The following EYA4 variants were observed in gnomAD, a reference collection of about 807,000 sequenced individuals.
EYA4 encodes the protein EYA transcriptional coactivator and phosphatase 4.
A neutral mutation model predicts 87.9 loss-of-function variants in EYA4; 31 were observed. The observed-to-expected ratio is 0.35, with a 90% CI of 0.27 to 0.48. The LOEUF (loss-of-function observed/expected upper bound fraction) is 0.48. Among genes scored for constraint, EYA4 ranks in the 20% least tolerant of loss-of-function variants. The pLI, the probability that EYA4 is intolerant of heterozygous loss-of-function variation, is 0.99. For missense variants in EYA4, 678 were observed against 761.4 expected (o/e 0.89, Z 1.29); for synonymous variants, 263 against 270.6 (o/e 0.97, Z 0.28).
chr6:133,483,698 GTTATTATTATTATTATTA>G (rs71545064), intron 13 of EYA4, among the ~76,000 whole-genome samples: 6,937 of 134,384 alleles, frequency 0.052, 530 homozygotes, highest in African/African-American at 0.16. Flanking sequence ...TTATTTCATT[GTTATTATTATTATTATTA>G]TTATTATTAT....
chr6:133,521,272 AAAAC>A (rs1235648025), intron 17 of EYA4, among the ~76,000 whole-genome samples: 5 of 150,242 alleles, frequency 3.3e-5, no homozygotes, highest in African/African-American at 4.9e-5. Flanking sequence ...TTACAAGAAA[AAAAC>A]AAACAACCCC....
At chr6:133,402,201 C>G (rs568697713) in intron 3 of EYA4, among the ~76,000 whole-genome samples, 1 of 151,832 alleles carries the variant, frequency 6.6e-6, no homozygotes, top group Admixed American at 6.6e-5. Flanking sequence ...CTTCTTTACA[C>G]CATTGTAGAA....
At chr6:133,319,088 A>G (rs1234930877) in intron 2 of EYA4, among the ~76,000 whole-genome samples, 1 of 146,344 alleles carries the variant, frequency 6.8e-6, no homozygotes, top group Non-Finnish European at 1.5e-5. Context: ...CCATCTGTGC[A>G]GAATAAAATT....
At chr6:133,248,861 GTTTTA>G (rs1443598975) in intron 1 of EYA4, 7 of 112,536 alleles carry the variant, frequency 6.2e-5, no homozygotes, top group African/African-American at 1.1e-4. Flanking sequence ...CAATTCTACT[GTTTTA>G]TTTTGTTTTT....
In EYA4 at chr6:133,259,560, A is replaced by C. The variant is rs918648595; in HGVS notation, c.-65-15156A>C. 1.3e-5 allele frequency among the ~76,000 whole-genome samples: 2 copies of C among 152,338 alleles called. 1 individual carries two copies. Among genetic ancestry groups the C allele is most frequent in the Middle Eastern group, 6.8e-3 (2 of 294 alleles). Reference sequence around the variant, plus strand: ...TTTATTGAGAGGAAAAAGGGTACTCAAACTTTCCTGGATGCCTCAATTAAA... The same window carrying C: ...TTTATTGAGAGGAAAAAGGGTACTCCAACTTTCCTGGATGCCTCAATTAAA... On this transcript the variant is annotated intron_variant, in intron 1 of 19. Coordinates refer to ENST00000355286, the MANE Select transcript of EYA4 (RefSeq NM_004100.5).
intron 11 of EYA4, among the ~76,000 whole-genome samples, chr6:133,477,928 T>C (rs1175219158): frequency 6.6e-6 from 1 of 152,038 alleles, no homozygotes; most frequent in Non-Finnish European, 1.5e-5. Context: ...CTAGTTTTCT[T>C]AATGGGCAAA....
At chr6:133,406,383 G>T (rs1317682961) in intron 3 of EYA4, among the ~76,000 whole-genome samples, 1 of 152,180 alleles carries the variant, frequency 6.6e-6, no homozygotes. Flanking sequence ...ACTGCACCTT[G>T]AGAGGCATAC....
chr6:133,520,171 A>G (rs925756108), intron 17 of EYA4, among the ~76,000 whole-genome samples: 4 of 152,052 alleles, frequency 2.6e-5, no homozygotes, highest in Non-Finnish European at 4.4e-5. Context: ...AGGGTATTCA[A>G]TTAGGAAAAG....
At chr6:133,328,925 A>G (rs1353313403) in intron 2 of EYA4, among the ~76,000 whole-genome samples, 1 of 152,100 alleles carries the variant, frequency 6.6e-6, no homozygotes, top group Non-Finnish European at 1.5e-5. Flanking sequence ...ATCGAAATTA[A>G]ATTCATTTCA....
intron 1 of EYA4, among the ~76,000 whole-genome samples, chr6:133,246,712 A>G (rs1320213906): frequency 6.6e-6 from 1 of 152,184 alleles, no homozygotes; most frequent in Non-Finnish European, 1.5e-5. Flanking sequence ...TATTACTATA[A>G]TATTAATCAC....
chr6:133,344,397 T>C (rs1259802145), intron 2 of EYA4, among the ~76,000 whole-genome samples: 1 of 152,228 alleles, frequency 6.6e-6, no homozygotes, highest in East Asian at 1.9e-4. Context: ...TTTACGAATT[T>C]AAGAGTCCAA....
intron 2 of EYA4, among the ~76,000 whole-genome samples, chr6:133,275,136 G>A (rs966059671): frequency 1.3e-5 from 2 of 152,082 alleles, no homozygotes; most frequent in Non-Finnish European, 2.9e-5. Context: ...TTTCAGATAT[G>A]CTGGATATTG....
At chr6:133,502,962 A>C (rs552211014) in intron 13 of EYA4, among the ~76,000 whole-genome samples, 1 of 152,234 alleles carries the variant, frequency 6.6e-6, no homozygotes, top group Non-Finnish European at 1.5e-5. Context: ...CAAAATGCTT[A>C]CTAAGTCCTG....
chr6:133,454,463 C>T (rs897112465), intron 5 of EYA4, among the ~76,000 whole-genome samples: 3 of 152,162 alleles, frequency 2.0e-5, no homozygotes, highest in African/African-American at 7.2e-5. Context: ...AGTTTGGATT[C>T]TGAACACACA....
At chr6:133,316,327 G>A (rs1780617903) in intron 2 of EYA4, among the ~76,000 whole-genome samples, 1 of 151,968 alleles carries the variant, frequency 6.6e-6, no homozygotes, top group Non-Finnish European at 1.5e-5. Flanking sequence ...TCCTCCCACC[G>A]TGCATAATTA....
chr6:133,415,380 C>T (rs1271829109), intron 3 of EYA4, among the ~76,000 whole-genome samples: 2 of 152,102 alleles, frequency 1.3e-5, no homozygotes, highest in East Asian at 3.9e-4. Context: ...TGCAGCCTAG[C>T]CCCCCATGAT....
At chr6:133,254,558 G>A (rs976190535) in intron 1 of EYA4, among the ~76,000 whole-genome samples, 2 of 152,108 alleles carry the variant, frequency 1.3e-5, no homozygotes, top group Admixed American at 6.6e-5. Flanking sequence ...ATTTAGGGGG[G>A]AAAGTCTTCC....
intron 3 of EYA4, among the ~76,000 whole-genome samples, chr6:133,410,866 G>A (rs1290372525): frequency 1.3e-5 from 2 of 151,934 alleles, no homozygotes; most frequent in South Asian, 2.1e-4. Flanking sequence ...CAGGCATGGG[G>A]GAAGGGGAAG....
chr6:133,427,779 T>C (rs1377496614), intron 3 of EYA4, among the ~76,000 whole-genome samples: 1 of 152,154 alleles, frequency 6.6e-6, no homozygotes, highest in African/African-American at 2.4e-5. Context: ...AGACAGAAGA[T>C]AGTAAAACCA....
Sources: gnomAD v4.1 joint callset for allele counts (sites outside exome capture counted in the v4.1 genomes callset) on GRCh38, gnomAD v4.1.1 for gene constraint, MANE v1.5 for transcripts, NCBI Gene and HGNC (gene_info 2026-07-23, HGNC 2026-07-21) for gene names.